GPHN: variants seen among roughly 807,000 people sequenced by gnomAD.
GPHN encodes gephyrin.
In GPHN, 17 loss-of-function variants were observed where a neutral mutation model predicts 95.5. That is an observed-to-expected ratio of 0.18 (90% confidence interval 0.12 to 0.27). The LOEUF is 0.27. Ranked by LOEUF, GPHN falls within the 10% of genes least tolerant of loss-of-function variation. The pLI is 1.00. For synonymous variants in GPHN, 320 were observed against 322.5 expected (o/e 0.99, Z 0.08); for missense variants, 660 against 978.1 (o/e 0.67, Z 4.34).
intron 11 of GPHN, among the ~76,000 whole-genome samples, chr14:67,064,885 T>G (rs1224889043): frequency 6.6e-6 from 1 of 152,212 alleles, no homozygotes; most frequent in Non-Finnish European, 1.5e-5. Context: ...AAAAACCAGC[T>G]CCTGGATTCA....
intron 18 of GPHN, among the ~76,000 whole-genome samples, chr14:67,156,029 A>C (rs2081564082): frequency 6.6e-6 from 1 of 152,218 alleles, no homozygotes; most frequent in South Asian, 2.1e-4. Flanking sequence ...TTCAAAAATG[A>C]AGGTGGAGTA....
chr14:67,412,098 T>TC, the GPHN span: 1 of 1,480,082 alleles, frequency 6.8e-7, no homozygotes, highest in South Asian at 1.3e-5. Flanking sequence ...AGGTGCGCCT[T>TC]CCCCGCGCCT....
chr14:67,514,198 A>G, the GPHN span, among the ~76,000 whole-genome samples: 2 of 152,052 alleles, frequency 1.3e-5, no homozygotes, highest in Admixed American at 1.3e-4. Context: ...CTGCCCTCCT[A>G]TCTCCAAGCT....
At chr14:66,578,731 T>G (rs2061020240) in intron 1 of GPHN, among the ~76,000 whole-genome samples, 1 of 145,240 alleles carries the variant, frequency 6.9e-6, no homozygotes, top group Non-Finnish European at 1.5e-5. Flanking sequence ...AACCATAAAG[T>G]TGTCCCTCAG....
At position 67,111,797 on chromosome 14, in the gene GPHN, G is replaced by A. The variant is rs113974601; in HGVS notation, c.1414-64G>A. ...GGGCCTATCTGATGGTAAAAGTATCGGAGTAACTAAATTCTACTGCTCAGA... is the reference window on the plus strand; with the variant it reads ...GGGCCTATCTGATGGTAAAAGTATCAGAGTAACTAAATTCTACTGCTCAGA... On this transcript the variant is annotated intron_variant, in intron 14 of 22. Transcript: ENST00000478722. 2.6e-3 allele frequency: 3,125 copies of A among 1,194,350 alleles called. 50 individuals carry two copies. In the African/African-American group the frequency reaches 0.039, roughly 15 times the overall value. The allele number at this position is 1,194,350 out of a possible 1,614,324, so 74.0% of individuals were successfully genotyped here.
At chr14:67,631,015 C>T in the GPHN span, among the ~76,000 whole-genome samples, 1 of 152,156 alleles carries the variant, frequency 6.6e-6, no homozygotes, top group African/African-American at 2.4e-5. Context: ...ATGCTCTAGA[C>T]CCCCTCCCCT....
chr14:66,648,378 G>A (rs897488541), intron 1 of GPHN, among the ~76,000 whole-genome samples: 1 of 152,038 alleles, frequency 6.6e-6, no homozygotes, highest in Non-Finnish European at 1.5e-5. Flanking sequence ...TTTATATAAG[G>A]TCTTTGTGCT....
the GPHN span, among the ~76,000 whole-genome samples, chr14:67,697,076 G>T: frequency 6.6e-6 from 1 of 152,000 alleles, no homozygotes; most frequent in Non-Finnish European, 1.5e-5. Context: ...AGTCATTCAC[G>T]CATTTGACAA....
chr14:66,689,268 C>T (rs1013630062), intron 2 of GPHN, among the ~76,000 whole-genome samples: 3 of 152,122 alleles, frequency 2.0e-5, no homozygotes, highest in Non-Finnish European at 4.4e-5. Context: ...AATTTTATTA[C>T]ATGCTTTTTC....
At chr14:66,732,923 G>C (rs767369855) in intron 2 of GPHN, among the ~76,000 whole-genome samples, 2 of 152,162 alleles carry the variant, frequency 1.3e-5, no homozygotes, top group Non-Finnish European at 2.9e-5. Context: ...GACTTTGGGG[G>C]ACTGTTGGGA....
In GPHN at chr14:66,554,441, A is replaced by G. The variant is rs149235836; in HGVS notation, c.64+45850A>G. Among the ~76,000 whole-genome samples, 454 of 152,296 alleles carry G rather than the reference A, an allele frequency of 3.0e-3. 3 individuals carry two copies. The highest frequency in any genetic ancestry group is 0.01 in the African/African-American group (436 of 41,554). On this transcript the variant is annotated intron_variant, in intron 1 of 22. Coordinates refer to ENST00000478722, the MANE Select transcript of GPHN (RefSeq NM_020806.5). ...AATTGACTCACAGTTGCACATGGCT[A>G]GGGAGGCCTCAGGAAACTTATAATC...
intron 1 of GPHN, among the ~76,000 whole-genome samples, chr14:66,631,240 G>C (rs1296470840): frequency 6.6e-6 from 1 of 151,886 alleles, no homozygotes; most frequent in South Asian, 2.1e-4. Context: ...ATAGAGACGA[G>C]GTTTCACCAT....
the GPHN span, among the ~76,000 whole-genome samples, chr14:67,607,601 G>A: frequency 6.6e-6 from 1 of 152,128 alleles, no homozygotes; most frequent in African/African-American, 2.4e-5. Context: ...TCTTGACTTC[G>A]TGATCTGCCC....
intron 1 of GPHN, among the ~76,000 whole-genome samples, chr14:66,572,695 G>T (rs7145981): frequency 1.3e-5 from 2 of 151,648 alleles, no homozygotes; most frequent in Non-Finnish European, 2.9e-5. Flanking sequence ...ATAAGATGCT[G>T]TCAGCAACCA....
chr14:67,214,654 T>C, the GPHN span, among the ~76,000 whole-genome samples: 1 of 152,004 alleles, frequency 6.6e-6, no homozygotes, highest in Non-Finnish European at 1.5e-5. Flanking sequence ...TGCGGGCTCT[T>C]TTTTGGTTCC....
chr14:67,556,071 G>A, the GPHN span, among the ~76,000 whole-genome samples: 1 of 152,314 alleles, frequency 6.6e-6, no homozygotes, highest in African/African-American at 2.4e-5. Flanking sequence ...TGTAGCAAGT[G>A]GGCATAGTAG....
At chr14:67,624,140 C>T in the GPHN span, among the ~76,000 whole-genome samples, 5 of 152,140 alleles carry the variant, frequency 3.3e-5, no homozygotes, top group Admixed American at 6.5e-5. Flanking sequence ...TATCTGCACT[C>T]GATTTTGGTT....
intron 4 of GPHN, among the ~76,000 whole-genome samples, chr14:66,871,417 A>C (rs2153527976): frequency 6.6e-6 from 1 of 152,348 alleles, no homozygotes; most frequent in East Asian, 1.9e-4. Context: ...TAATGAAATA[A>C]ATATTAACAC....
At chr14:67,722,612 A>G in the GPHN span, 1 of 1,602,682 alleles carries the variant, frequency 6.2e-7, no homozygotes, top group Admixed American at 1.7e-5. Flanking sequence ...GAGCAGCAGC[A>G]AAAGCAACAG....
Sources: allele counts gnomAD v4.1 joint callset (sites outside exome capture counted in the v4.1 genomes callset), GRCh38; gene constraint gnomAD v4.1.1; transcripts MANE v1.5; gene names NCBI Gene and HGNC (gene_info 2026-07-23, HGNC 2026-07-21).